Variants in CDKN2B-AS1 observed in about 807,000 individuals in gnomAD.
CDKN2B-AS1 encodes the protein CDKN2B and CDKN2A antisense cis and trans regulatory RNA 1.
At chr9:22,088,628 GA>G (rs1253876972) in intron 4 of CDKN2B-AS1, among the ~76,000 whole-genome samples, 3 of 152,218 alleles carry the variant, frequency 2.0e-5, no homozygotes, top group Non-Finnish European at 4.4e-5. Context: ...CAATTAGTAA[GA>G]GTGGTATGTT....
intron 4 of CDKN2B-AS1, among the ~76,000 whole-genome samples, chr9:22,082,929 G>C (rs1824747516): frequency 6.6e-6 from 1 of 152,120 alleles, no homozygotes. Context: ...GATCATTAGA[G>C]GTTCAGGCTT....
At chr9:22,021,143 A>G (rs945949099) in intron 1 of CDKN2B-AS1, among the ~76,000 whole-genome samples, 1 of 152,144 alleles carries the variant, frequency 6.6e-6, no homozygotes, top group Non-Finnish European at 1.5e-5. Flanking sequence ...TCTGTTCTCC[A>G]TTGCTTGTTT....
At chr9:22,113,349 C>A (rs140200287) in intron 4 of CDKN2B-AS1, among the ~76,000 whole-genome samples, 90 of 152,316 alleles carry the variant, frequency 5.9e-4, no homozygotes, top group African/African-American at 2.1e-3. Flanking sequence ...CTCTGACTTC[C>A]CTTTCTGTCA....
chr9:22,073,839 A>T (rs1159524701), intron 4 of CDKN2B-AS1, among the ~76,000 whole-genome samples: 2 of 151,910 alleles, frequency 1.3e-5, no homozygotes, highest in Non-Finnish European at 2.9e-5. Flanking sequence ...TGTAGTCTAG[A>T]TCTAAAGTCA....
chr9:22,079,506 T>TA (rs74958544), intron 4 of CDKN2B-AS1, among the ~76,000 whole-genome samples: 14,448 of 98,686 alleles, frequency 0.15, 2,418 homozygotes, highest in African/African-American at 0.42. Context: ...AAACACCATC[T>TA]AAAAAAAAAA....
At chr9:22,074,856 T>C (rs1360096472) in intron 4 of CDKN2B-AS1, among the ~76,000 whole-genome samples, 2 of 152,208 alleles carry the variant, frequency 1.3e-5, no homozygotes, top group Non-Finnish European at 2.9e-5. Flanking sequence ...AAGGCTTTCA[T>C]AGGCTCTGGT....
chr9:22,090,707 T>C (rs1387187578), intron 4 of CDKN2B-AS1, among the ~76,000 whole-genome samples: 1 of 152,178 alleles, frequency 6.6e-6, no homozygotes, highest in Non-Finnish European at 1.5e-5. Flanking sequence ...TTTGAGTTCA[T>C]TGTAGATTCT....
chr9:22,072,581 T>G (rs769581639), intron 4 of CDKN2B-AS1, among the ~76,000 whole-genome samples: 5 of 152,234 alleles, frequency 3.3e-5, no homozygotes, highest in Non-Finnish European at 5.9e-5. Context: ...TATCTCCCTC[T>G]AAGGGTTGTA....
At chr9:22,011,257 C>A (rs969048998) in intron 1 of CDKN2B-AS1, among the ~76,000 whole-genome samples, 1 of 152,216 alleles carries the variant, frequency 6.6e-6, no homozygotes, top group Admixed American at 6.5e-5. Flanking sequence ...CTTTGAAAAA[C>A]CAACCTGCTC....
intron 4 of CDKN2B-AS1, among the ~76,000 whole-genome samples, chr9:22,098,293 T>C (rs904905583): frequency 6.6e-6 from 1 of 151,572 alleles, no homozygotes; most frequent in African/African-American, 2.4e-5. Context: ...CATGTATTTA[T>C]ATATAGTAAA....
chr9:22,117,935 T>G (rs1323658986), intron 4 of CDKN2B-AS1: 1 of 152,278 alleles, frequency 6.6e-6, no homozygotes, highest in African/African-American at 2.4e-5. Context: ...TAGTTCCTCC[T>G]GCCAATCTAA....
At chr9:22,037,214 T>G (rs1160402032) in intron 1 of CDKN2B-AS1, among the ~76,000 whole-genome samples, 1 of 152,114 alleles carries the variant, frequency 6.6e-6, no homozygotes, top group Non-Finnish European at 1.5e-5. Flanking sequence ...GATTCCTGTA[T>G]CTGAACAACT....
At chr9:22,114,945 C>A (rs1825907590) in intron 4 of CDKN2B-AS1, among the ~76,000 whole-genome samples, 1 of 152,140 alleles carries the variant, frequency 6.6e-6, no homozygotes, top group Non-Finnish European at 1.5e-5. Flanking sequence ...TAACTCATGG[C>A]CCGATGATTT....
Position 22,093,932 on chromosome 9 carries a change from G to C in CDKN2B-AS1, n.439-33171G>C, listed in dbSNP as rs1328079108. On this transcript the variant is annotated intron_variant and non_coding_transcript_variant, in intron 4 of 4. Transcript: ENST00000650946. ...TAGCCTTGATGGTCTTTACAATTTG[G>C]CATGTTTTTGCAGTGGCTGGTAGTG... 1.4e-5 allele frequency among the ~76,000 whole-genome samples: 2 copies of C among 144,526 alleles called. 1 individual carries two copies. Among genetic ancestry groups the C allele is most frequent in the African/African-American group, 5.8e-5 (2 of 34,716 alleles). The allele number at this position is 144,526 out of a possible 152,430, so 94.8% of individuals were successfully genotyped here. A position where few individuals can be genotyped will look rare whatever the true frequency, so the allele number is the denominator to read the frequency against.
intron 1 of CDKN2B-AS1, among the ~76,000 whole-genome samples, chr9:22,033,422 C>T (rs180807424): frequency 1.3e-5 from 2 of 152,124 alleles, no homozygotes; most frequent in South Asian, 2.1e-4. Flanking sequence ...TTAATAATAG[C>T]ACCTAAACAT....
chr9:22,017,243 G>T (rs1010849592), intron 1 of CDKN2B-AS1, among the ~76,000 whole-genome samples: 4 of 152,068 alleles, frequency 2.6e-5, no homozygotes, highest in African/African-American at 7.2e-5. Context: ...TGGCCAATAT[G>T]GTGAAACCCC....
At chr9:22,018,484 C>G (rs1821878541) in intron 1 of CDKN2B-AS1, among the ~76,000 whole-genome samples, 1 of 151,302 alleles carries the variant, frequency 6.6e-6, no homozygotes, top group African/African-American at 2.4e-5. Flanking sequence ...TGGCGAAACC[C>G]CGTCTCTACT....
intron 4 of CDKN2B-AS1, among the ~76,000 whole-genome samples, chr9:22,115,467 A>G (rs1407819649): frequency 1.3e-5 from 2 of 152,194 alleles, no homozygotes; most frequent in African/African-American, 4.8e-5. Flanking sequence ...AAGTACATGG[A>G]AAGAAAGACA....
rs529712568 is a variant in CDKN2B-AS1, at chr9:22,066,159, G to C, written n.438+9772G>C. ...TACATGTCTAGAGTGAGGACAATGTGGGTGATGAAGAGCTGAAATCTTCTA... is the reference window on the plus strand; with the variant it reads ...TACATGTCTAGAGTGAGGACAATGTCGGTGATGAAGAGCTGAAATCTTCTA... On this transcript the variant is annotated intron_variant and non_coding_transcript_variant, in intron 4 of 4. Transcript: ENST00000650946. 2.6e-5 allele frequency: 4 copies of C among 152,064 alleles called. No individual in the cohort carries two copies. In the East Asian group the frequency reaches 5.8e-4, roughly 22 times the overall value. 9.4% of individuals were successfully genotyped at this position (152,064 alleles called of 1,614,324 possible). A position where few individuals can be genotyped will look rare whatever the true frequency, so the allele number is the denominator to read the frequency against.
Sources: allele counts gnomAD v4.1 joint callset (sites outside exome capture counted in the v4.1 genomes callset), GRCh38; gene constraint gnomAD v4.1.1; transcripts MANE v1.5; gene names NCBI Gene and HGNC (gene_info 2026-07-23, HGNC 2026-07-21).